The following DENND2B variants were observed in gnomAD, a reference collection of about 807,000 sequenced individuals.
DENND2B encodes DENN domain containing 2B.
A neutral mutation model predicts 116.0 loss-of-function variants in DENND2B; 32 were observed. The ratio of observed to expected loss-of-function variants is 0.28; its 90% CI spans 0.21 to 0.37. The LOEUF is 0.37. Ranked by LOEUF, DENND2B falls within the 10% of genes least tolerant of loss-of-function variation. The pLI is 1.00. For synonymous variants in DENND2B, 588 were observed against 583.9 expected, an observed-to-expected ratio of 1.01 and a Z score of -0.10; for missense variants, 1,276 against 1,477.7, an observed-to-expected ratio of 0.86 and a Z score of 2.24.
intron 1 of DENND2B, among the ~76,000 whole-genome samples, chr11:8,797,232 GC>G (rs1436403464): frequency 5.9e-5 from 9 of 152,148 alleles, no homozygotes; most frequent in African/African-American, 2.2e-4. Context: ...AAATAAAAAT[GC>G]CTAGTATAAC....
At chr11:8,754,033 A>ACACACG (rs2053137952) in intron 1 of DENND2B, among the ~76,000 whole-genome samples, 1 of 59,652 alleles carries the variant, frequency 1.7e-5, no homozygotes, top group Non-Finnish European at 5.6e-5. Context: ...AAGCGCGCAC[A>ACACACG]CACACACACA....
At chr11:8,754,029 G>GCGCGCGCGCGCACACACA (rs146486674) in intron 1 of DENND2B, among the ~76,000 whole-genome samples, 12 of 138,828 alleles carry the variant, frequency 8.6e-5, no homozygotes, top group African/African-American at 3.3e-4. Context: ...CCAAAAGCGC[G>GCGCGCGCGCGCACACACA]CACACACACA....
intron 1 of DENND2B, among the ~76,000 whole-genome samples, chr11:8,890,506 G>A (rs2064018036): frequency 2.6e-5 from 4 of 152,086 alleles, no homozygotes; most frequent in Admixed American, 6.6e-5. Context: ...AAGATTAGAC[G>A]AATGGCTAAC....
chr11:8,859,369 G>A lies in DENND2B; in HGVS notation c.-249-1933C>T, dbSNP rs577300274. ...CTCGCCCAGGCTGGAGTGCAGTGGC[G>A]CGATCTCGGCTCACTGCAAGCTCCG... is the stretch of plus-strand genomic sequence containing the variant. On this transcript the variant is annotated intron_variant, in intron 2 of 6. Coordinates refer to the DENND2B transcript ENST00000524757. 9.2e-5 allele frequency among the ~76,000 whole-genome samples: 14 copies of A among 152,000 alleles called. No homozygotes were observed. In the South Asian group the frequency reaches 2.5e-3, roughly 27 times the overall value.
At chr11:8,858,187 G>C (rs1327316883) in intron 2 of DENND2B, among the ~76,000 whole-genome samples, 3 of 152,098 alleles carry the variant, frequency 2.0e-5, no homozygotes, top group Non-Finnish European at 4.4e-5. Flanking sequence ...AACAGCAAAT[G>C]AATGCAAAAG....
intron 1 of DENND2B, among the ~76,000 whole-genome samples, chr11:8,796,268 A>G (rs1378843297): frequency 6.6e-6 from 1 of 152,224 alleles, no homozygotes; most frequent in African/African-American, 2.4e-5. Context: ...TGGACCGGAC[A>G]CAGTGGCTCA....
chr11:8,865,589 G>T (rs1175168213), intron 2 of DENND2B, among the ~76,000 whole-genome samples: 1 of 151,758 alleles, frequency 6.6e-6, no homozygotes, highest in Non-Finnish European at 1.5e-5. Flanking sequence ...GTCCAGGAAA[G>T]ACAATTTGTT....
chr11:8,789,784 A>T (rs2059221404), intron 1 of DENND2B, among the ~76,000 whole-genome samples: 1 of 152,086 alleles, frequency 6.6e-6, no homozygotes, highest in African/African-American at 2.4e-5. Flanking sequence ...ACAAAAAATA[A>T]AAAAATAAAA....
chr11:8,789,783 A>AT (rs1333017095), intron 1 of DENND2B, among the ~76,000 whole-genome samples: 6 of 150,598 alleles, frequency 4.0e-5, no homozygotes, highest in African/African-American at 1.5e-4. Flanking sequence ...TACAAAAAAT[A>AT]AAAAAATAAA....
chr11:8,867,756 T>C (rs1566069288), intron 2 of DENND2B, among the ~76,000 whole-genome samples: 2 of 151,936 alleles, frequency 1.3e-5, no homozygotes, highest in Admixed American at 1.3e-4. Flanking sequence ...TTAATTTTTG[T>C]ATTTTTTGTA....
chr11:8,777,133 TA>T (rs1321623533), intron 1 of DENND2B, among the ~76,000 whole-genome samples: 1 of 152,178 alleles, frequency 6.6e-6, no homozygotes, highest in Non-Finnish European at 1.5e-5. Context: ...ACTCCTGTAG[TA>T]ACAAATGCCA....
chr11:8,843,750 A>C (rs1438486269), intron 3 of DENND2B, among the ~76,000 whole-genome samples: 1 of 152,116 alleles, frequency 6.6e-6, no homozygotes, highest in Non-Finnish European at 1.5e-5. Flanking sequence ...CTTTCCCCCA[A>C]GGTTGATCCT....
chr11:8,761,078 C>T (rs2054540000), intron 1 of DENND2B, among the ~76,000 whole-genome samples: 3 of 152,200 alleles, frequency 2.0e-5, no homozygotes, highest in South Asian at 4.1e-4. Flanking sequence ...TTTTCAATCC[C>T]TTTTCCTGCC....
intron 1 of DENND2B, among the ~76,000 whole-genome samples, chr11:8,777,902 G>T (rs1325721127): frequency 6.6e-6 from 1 of 152,206 alleles, no homozygotes; most frequent in Non-Finnish European, 1.5e-5. Context: ...ATGTGACTTA[G>T]CTGTTGCTTT....
intron 2 of DENND2B, 55 bp downstream of exon 2, chr11:8,750,566 C>G (rs1019164136): frequency 1.4e-6 from 2 of 1,473,046 alleles, no homozygotes; most frequent in Non-Finnish European, 1.9e-6. Flanking sequence ...TGGAGGGATC[C>G]CACCCAGGAC....
At chr11:8,875,002 C>T (rs887857465), upstream of DENND2B, among the ~76,000 whole-genome samples, 2 of 152,020 alleles carry the variant, frequency 1.3e-5, no homozygotes, top group Non-Finnish European at 2.9e-5. Flanking sequence ...AAGCAGACAA[C>T]TGGGAAAGGT....
intron 1 of DENND2B, among the ~76,000 whole-genome samples, chr11:8,888,899 T>C (rs917663518): frequency 6.6e-6 from 1 of 151,964 alleles, no homozygotes; most frequent in Admixed American, 6.6e-5. Flanking sequence ...ATGGCTACCA[T>C]TAAGGAAAAC....
chr11:8,796,065 T>C (rs1176582085), intron 1 of DENND2B, among the ~76,000 whole-genome samples: 1 of 152,232 alleles, frequency 6.6e-6, no homozygotes, highest in Admixed American at 6.5e-5. Context: ...ATGCTAAATC[T>C]GAAATTCAGT....
chr11:8,703,893 G>A (rs1018922015), intron 13 of DENND2B, among the ~76,000 whole-genome samples: 1 of 152,186 alleles, frequency 6.6e-6, no homozygotes, highest in Admixed American at 6.5e-5. Flanking sequence ...AATGGTCAGT[G>A]AACGTGGACT....
Sources: gnomAD v4.1 joint callset for allele counts (sites outside exome capture counted in the v4.1 genomes callset) on GRCh38, gnomAD v4.1.1 for gene constraint, MANE v1.5 for transcripts, NCBI Gene and HGNC (gene_info 2026-07-23, HGNC 2026-07-21) for gene names.